CDH13: variants seen among roughly 807,000 people sequenced by gnomAD.
CDH13 encodes cadherin 13, also known as cadherin-13.
CDH13 carries 24 observed loss-of-function variants against 63.8 expected under a neutral mutation model. That is an observed-to-expected ratio of 0.38 (90% CI 0.27 to 0.53). The LOEUF (loss-of-function observed/expected upper bound fraction) is 0.53. Ranked by LOEUF, CDH13 falls within the 20% of genes least tolerant of loss-of-function variation. The pLI, the probability that CDH13 is intolerant of heterozygous loss-of-function variation, is 0.85. For missense variants in CDH13, 1,049 were observed against 903.1 expected, an observed-to-expected ratio of 1.16 and a Z score of -2.07; for synonymous variants, 503 against 355.3, an observed-to-expected ratio of 1.42 and a Z score of -4.67.
chr16:82,653,684 A>C (rs1238111695), intron 1 of CDH13, among the ~76,000 whole-genome samples: 1 of 152,266 alleles, frequency 6.6e-6, no homozygotes, highest in East Asian at 1.9e-4. Flanking sequence ...CACGATGTGC[A>C]TGTCATGTTG....
At chr16:82,662,857 G>T (rs779040662) in intron 1 of CDH13, among the ~76,000 whole-genome samples, 26 of 151,312 alleles carry the variant, frequency 1.7e-4, no homozygotes, top group Non-Finnish European at 2.7e-4. Flanking sequence ...TGAGGTGGTA[G>T]AGGTGTGTGC....
chr16:83,215,917 G>C (rs980215525), intron 4 of CDH13, among the ~76,000 whole-genome samples: 1 of 151,992 alleles, frequency 6.6e-6, no homozygotes, highest in African/African-American at 2.4e-5. Flanking sequence ...ATGAATACTT[G>C]AGGGTAAACT....
chr16:83,324,734 CAT>C (rs1026583688), intron 5 of CDH13, among the ~76,000 whole-genome samples: 1 of 152,182 alleles, frequency 6.6e-6, no homozygotes, highest in African/African-American at 2.4e-5. Flanking sequence ...TGTGGGGACA[CAT>C]GTTTTTATTT....
chr16:83,199,874 G>A (rs948259741), intron 4 of CDH13, among the ~76,000 whole-genome samples: 4 of 152,098 alleles, frequency 2.6e-5, no homozygotes, highest in African/African-American at 7.2e-5. Context: ...AAAACCAAGG[G>A]CACATTAGAG....
chr16:83,440,654 G>A (rs557982393), intron 6 of CDH13, among the ~76,000 whole-genome samples: 30 of 152,018 alleles, frequency 2.0e-4, no homozygotes, highest in African/African-American at 6.5e-4. Flanking sequence ...GCATAGTGGC[G>A]CACACCCGTC....
intron 5 of CDH13, among the ~76,000 whole-genome samples, chr16:83,329,051 G>A (rs1441186282): frequency 6.6e-6 from 1 of 152,124 alleles, no homozygotes; most frequent in African/African-American, 2.4e-5. Context: ...GTAATAAAAT[G>A]AGGCATCTTG....
intron 1 of CDH13, among the ~76,000 whole-genome samples, chr16:82,788,826 A>C (rs1260591182): frequency 2.6e-5 from 4 of 152,216 alleles, no homozygotes; most frequent in Non-Finnish European, 4.4e-5. Context: ...TTAAAGAAGC[A>C]GGAATGGGTA....
chr16:83,115,960 A>C (rs574002391), intron 3 of CDH13, among the ~76,000 whole-genome samples: 1 of 152,348 alleles, frequency 6.6e-6, no homozygotes, highest in South Asian at 2.1e-4. Context: ...ACAGGTGGCC[A>C]GCCCGGGTCA....
Position 83,579,394 on chromosome 16 carries a change from A to G in CDH13, c.961-23060A>G, listed in dbSNP as rs1159376287. On this transcript the variant is annotated intron_variant, in intron 7 of 13. Coordinates refer to ENST00000567109, the MANE Select transcript of CDH13 (RefSeq NM_001257.5). ...CACAGGCTGTACGGGAAGCATGGCT[A>G]GGGAGGCCTCAGGAAACTTACAATT... Among the ~76,000 whole-genome samples, 3 of 152,068 alleles carry G rather than the reference A, an allele frequency of 2.0e-5. No homozygotes were observed. The East Asian group carries it at 5.8e-4, about 29-fold the overall frequency.
At chr16:82,673,019 T>TTTTTG (rs59558350) in intron 1 of CDH13, among the ~76,000 whole-genome samples, 2 of 145,372 alleles carry the variant, frequency 1.4e-5, no homozygotes, top group African/African-American at 5.1e-5. Context: ...TTTTTTTTTT[T>TTTTTG]GTAGAGATGA....
chr16:82,841,703 A>G (rs2039015845), intron 1 of CDH13, among the ~76,000 whole-genome samples: 3 of 152,286 alleles, frequency 2.0e-5, no homozygotes, highest in African/African-American at 7.2e-5. Flanking sequence ...ACTCTGGGAA[A>G]GAGCAAAGCT....
intron 7 of CDH13, among the ~76,000 whole-genome samples, chr16:83,559,401 G>A (rs2075659194): frequency 6.6e-6 from 1 of 152,044 alleles, no homozygotes; most frequent in African/African-American, 2.4e-5. Flanking sequence ...GAGAAACCCT[G>A]TCTCTACTAA....
chr16:82,939,909 A>G (rs2042780851), intron 2 of CDH13, among the ~76,000 whole-genome samples: 1 of 152,168 alleles, frequency 6.6e-6, no homozygotes, highest in Non-Finnish European at 1.5e-5. Context: ...GGTAATAAGG[A>G]AAAAGAGGTT....
chr16:83,790,881 A>T (rs1313486279), intron 13 of CDH13, among the ~76,000 whole-genome samples: 1 of 152,230 alleles, frequency 6.6e-6, no homozygotes, highest in Non-Finnish European at 1.5e-5. Context: ...ACCATTTCTG[A>T]CCATTGCTTT....
intron 1 of CDH13, among the ~76,000 whole-genome samples, chr16:82,808,147 T>G (rs781047281): frequency 4.6e-5 from 7 of 152,184 alleles, no homozygotes; most frequent in Non-Finnish European, 8.8e-5. Context: ...TGCATATGTT[T>G]CCTTGTTTGC....
At chr16:82,835,251 C>A (rs1051039072) in intron 1 of CDH13, among the ~76,000 whole-genome samples, 5 of 152,200 alleles carry the variant, frequency 3.3e-5, no homozygotes, top group African/African-American at 1.2e-4. Flanking sequence ...GTTTAACAGG[C>A]ACATGTGACC....
intron 6 of CDH13, among the ~76,000 whole-genome samples, chr16:83,381,752 C>T (rs1296002380): frequency 6.6e-6 from 1 of 151,926 alleles, no homozygotes; most frequent in African/African-American, 2.4e-5. Flanking sequence ...AGGATAAACA[C>T]CTTCCTTCCT....
At chr16:83,217,138 T>C (rs1031572338) in intron 4 of CDH13, among the ~76,000 whole-genome samples, 7 of 152,210 alleles carry the variant, frequency 4.6e-5, no homozygotes, top group African/African-American at 1.7e-4. Context: ...CTTCCTCAGC[T>C]GCCAGCTGCA....
chr16:82,660,699 A>G (rs1028037519), intron 1 of CDH13, among the ~76,000 whole-genome samples: 44 of 152,206 alleles, frequency 2.9e-4, no homozygotes, highest in African/African-American at 8.9e-4. Context: ...AATTATGTAT[A>G]TACATGAACA....
Sources: allele counts gnomAD v4.1 joint callset (sites outside exome capture counted in the v4.1 genomes callset), GRCh38; gene constraint gnomAD v4.1.1; transcripts MANE v1.5; gene names NCBI Gene and HGNC (gene_info 2026-07-23, HGNC 2026-07-21).